Variants in MCPH1 observed in about 807,000 individuals in gnomAD.
MCPH1 encodes microcephalin 1.
A neutral mutation model predicts 84.5 loss-of-function variants in MCPH1; 104 were observed. That is an observed-to-expected ratio of 1.23 (90% confidence interval 1.05 to 1.45). The LOEUF (loss-of-function observed/expected upper bound fraction) is 1.45, where lower values mean the gene tolerates loss of function less well. Ranked by LOEUF, MCPH1 falls within the 40% of genes most tolerant of loss-of-function variation. The pLI is 0.00. For missense variants in MCPH1, 1,498 were observed against 1,005.7 expected, an observed-to-expected ratio of 1.49 and a Z score of -6.62; for synonymous variants, 514 against 366.8, an observed-to-expected ratio of 1.40 and a Z score of -4.58.
intron 12 of MCPH1, among the ~76,000 whole-genome samples, chr8:6,525,342 G>A (rs940527526): frequency 6.6e-6 from 1 of 152,154 alleles, no homozygotes; most frequent in Non-Finnish European, 1.5e-5. Context: ...CGATCCACCT[G>A]CCTCAGCCAT....
intron 12 of MCPH1, among the ~76,000 whole-genome samples, chr8:6,619,827 G>T (rs1038154011): frequency 6.6e-6 from 1 of 151,904 alleles, no homozygotes; most frequent in African/African-American, 2.4e-5. Context: ...CTTGTGACCT[G>T]CCCGCCTCAG....
chr8:6,643,013 G>T lies in MCPH1; in HGVS notation c.2472G>T (p.Lys824Asn), dbSNP rs745590100. ...KWVLDSITQH[K>N]VCAPENYLLS... ...CTCTAGATTCCATCACCCAGCACAA[G>T]GTCTGTGCCCCTGAAAACTACCTAT... The change falls in exon 14 of 14, where the codon AAG becomes AAT. Residue 824 changes from lysine to asparagine, a missense_variant. Transcript: ENST00000344683. The T allele has an allele frequency of 6.2e-7, 1 of 1,613,994 alleles. No homozygotes were observed. Among genetic ancestry groups the T allele is most frequent in the African/African-American group, 1.3e-5 (1 of 74,928 alleles).
At chr8:6,626,728 TG>T (rs1832120293) in intron 13 of MCPH1, 1 of 985,250 alleles carries the variant, frequency 1.0e-6, no homozygotes, top group African/African-American at 1.7e-5. Context: ...GGAACTTGGC[TG>T]GGGTGAGGAT....
chr8:6,511,025 C>T (rs1287551338), intron 12 of MCPH1, among the ~76,000 whole-genome samples: 4 of 152,162 alleles, frequency 2.6e-5, no homozygotes, highest in African/African-American at 7.2e-5. Flanking sequence ...TAATCATAGA[C>T]AGGATTGAGA....
intron 4 of MCPH1, among the ~76,000 whole-genome samples, chr8:6,432,008 G>C (rs1305627403): frequency 6.6e-6 from 1 of 152,222 alleles, no homozygotes; most frequent in Non-Finnish European, 1.5e-5. Context: ...AAATACAGTT[G>C]TCCTTCATTA....
chr8:6,571,773 A>AT (rs1586672967), intron 12 of MCPH1, among the ~76,000 whole-genome samples: 1 of 152,160 alleles, frequency 6.6e-6, no homozygotes, highest in East Asian at 1.9e-4. Flanking sequence ...AATATGAAAA[A>AT]ATCTTCCTGT....
intron 12 of MCPH1, chr8:6,508,715 G>A (rs1397656317): frequency 3.1e-6 from 2 of 654,752 alleles, no homozygotes; most frequent in African/African-American, 3.6e-5. Flanking sequence ...AGGAGACACA[G>A]TTGGCTTGCT....
At chr8:6,409,507 C>T in intron 2 of MCPH1, 137 bp downstream of exon 2, 1 of 716,634 alleles carries the variant, frequency 1.4e-6, no homozygotes, top group African/African-American at 1.8e-5. Context: ...GAAAAAAGAG[C>T]CAAAGTGTGA....
At chr8:6,585,866 C>A (rs1242419337) in intron 12 of MCPH1, among the ~76,000 whole-genome samples, 1 of 152,228 alleles carries the variant, frequency 6.6e-6, no homozygotes, top group African/African-American at 2.4e-5. Flanking sequence ...CCAACAGTCA[C>A]AGTGTGCATT....
rs144046618 is a variant in MCPH1, at chr8:6,647,072, C to T, written c.*4023C>T. Reference sequence around the variant, plus strand: ...TCATATATCTGATAAAGGACTTGTACCCAGACCATGTAAAGAACTCATAAC... The same window carrying T: ...TCATATATCTGATAAAGGACTTGTATCCAGACCATGTAAAGAACTCATAAC... On this transcript the variant is annotated 3_prime_UTR_variant, in exon 14 of 14. Transcript: ENST00000344683. The T allele has an allele frequency of 6.6e-6, 1 of 151,632 alleles. No individual in the cohort carries two copies. Among genetic ancestry groups the T allele is most frequent in the Admixed American group, 6.6e-5 (1 of 15,230 alleles). 9.4% of individuals were successfully genotyped at this position (151,632 alleles called of 1,614,324 possible).
chr8:6,562,572 G>GTT (rs1491167455), intron 12 of MCPH1: 187 of 43,238 alleles, frequency 4.3e-3, no homozygotes, highest in African/African-American at 0.024. Flanking sequence ...TTTTTTTTTT[G>GTT]GTTGTTAAAA....
Position 6,483,486 on chromosome 8 carries a change from A to G in MCPH1, c.2136+2610A>G, listed in dbSNP as rs115308828. Among the ~76,000 whole-genome samples the G allele has an allele frequency of 5.2e-3, 787 of 152,332 alleles. 7 individuals carry two copies. The highest frequency in any genetic ancestry group is 0.018 in the African/African-American group (734 of 41,578). ...GGTGGACACACAGAACAGACAGAGA[A>G]TCCAGAAATAGACCCCCAAAATACA... is the stretch of plus-strand genomic sequence containing the variant. On this transcript the variant is annotated intron_variant, in intron 11 of 13. Coordinates refer to ENST00000344683, the MANE Select transcript of MCPH1 (RefSeq NM_024596.5).
chr8:6,478,810 C>G (rs73520657), intron 10 of MCPH1, among the ~76,000 whole-genome samples: 22,921 of 152,174 alleles, frequency 0.15, 1,868 homozygotes, highest in Middle Eastern at 0.24. Flanking sequence ...CTCAAGCACA[C>G]ATTCTCGGGT....
intron 12 of MCPH1, among the ~76,000 whole-genome samples, chr8:6,613,972 C>T (rs1336126447): frequency 3.9e-5 from 6 of 152,036 alleles, no homozygotes; most frequent in Admixed American, 6.6e-5. Context: ...TGGTGTGCTC[C>T]GTTCCTATTT....
chr8:6,475,390 C>T (rs1401413976), intron 9 of MCPH1, among the ~76,000 whole-genome samples: 1 of 152,196 alleles, frequency 6.6e-6, no homozygotes, highest in Non-Finnish European at 1.5e-5. Context: ...TGGCAGACGC[C>T]CTTGTGGCTC....
intron 12 of MCPH1, chr8:6,503,265 T>G (rs1346444235): frequency 1.2e-6 from 2 of 1,613,860 alleles, no homozygotes; most frequent in South Asian, 2.2e-5. Flanking sequence ...CACCAGCCTG[T>G]GAAAGTAAAA....
At chr8:6,483,287 A>C (rs1809457433) in intron 11 of MCPH1, among the ~76,000 whole-genome samples, 1 of 152,236 alleles carries the variant, frequency 6.6e-6, no homozygotes. Context: ...TCTCATTCAA[A>C]ATCTCAGTGG....
intron 9 of MCPH1, chr8:6,474,034 C>A: frequency 1.2e-6 from 1 of 833,836 alleles, no homozygotes; most frequent in Non-Finnish European, 2.1e-6. Flanking sequence ...CATTATAACC[C>A]CTCATTTGAA....
intron 12 of MCPH1, among the ~76,000 whole-genome samples, chr8:6,541,633 C>G (rs1186810618): frequency 6.6e-6 from 1 of 152,176 alleles, no homozygotes; most frequent in East Asian, 1.9e-4. Context: ...TTGTTAAATT[C>G]TCAGCTTAGA....
Sources: gnomAD v4.1 joint callset for allele counts (sites outside exome capture counted in the v4.1 genomes callset) on GRCh38, gnomAD v4.1.1 for gene constraint, MANE v1.5 for transcripts, NCBI Gene and HGNC (gene_info 2026-07-23, HGNC 2026-07-21) for gene names.